Variants in DOCK4 observed in about 807,000 individuals in gnomAD.
DOCK4 encodes the protein dedicator of cytokinesis protein 4.
DOCK4 carries 97 observed loss-of-function variants against 268.1 expected under a neutral mutation model. The ratio of observed to expected loss-of-function variants is 0.36; its 90% CI spans 0.31 to 0.43. DOCK4 has a LOEUF of 0.43. Among genes scored for constraint, DOCK4 ranks in the 20% least tolerant of loss-of-function variants. The pLI is 1.00. For synonymous variants in DOCK4, 954 were observed against 887.2 expected (o/e 1.08, Z -1.34); for missense variants, 2,145 against 2,455.7 (o/e 0.87, Z 2.67).
At chr7:112,120,459 T>A (rs1433317056) in intron 1 of DOCK4, among the ~76,000 whole-genome samples, 1 of 152,140 alleles carries the variant, frequency 6.6e-6, no homozygotes, top group Non-Finnish European at 1.5e-5. Context: ...AGAGAAAAAA[T>A]ACTTTTTTTG....
intron 1 of DOCK4, among the ~76,000 whole-genome samples, chr7:112,008,446 G>A (rs1801029628): frequency 2.0e-5 from 3 of 152,122 alleles, no homozygotes; most frequent in Non-Finnish European, 2.9e-5. Context: ...AATGATATCA[G>A]TTTAGTACGT....
chr7:111,871,256 T>C (rs1806407355), intron 20 of DOCK4, among the ~76,000 whole-genome samples: 1 of 152,250 alleles, frequency 6.6e-6, no homozygotes, highest in Non-Finnish European at 1.5e-5. Flanking sequence ...CATATTGGAC[T>C]GGGAGACAGA....
chr7:111,758,836 T>TG (rs1797204196), intron 40 of DOCK4, 46 bp from the exon 41 acceptor site: 6 of 1,592,974 alleles, frequency 3.8e-6, no homozygotes, highest in Non-Finnish European at 5.2e-6. Context: ...GCAAACTCCA[T>TG]GGAAGTCTGG....
intron 25 of DOCK4, among the ~76,000 whole-genome samples, chr7:111,842,486 C>A (rs1452924294): frequency 6.6e-6 from 1 of 152,190 alleles, no homozygotes; most frequent in African/African-American, 2.4e-5. Flanking sequence ...CTGTTCACTG[C>A]AAAGGCTGAG....
At chr7:111,947,996 G>T (rs1795754860) in intron 8 of DOCK4, among the ~76,000 whole-genome samples, 2 of 152,096 alleles carry the variant, frequency 1.3e-5, no homozygotes, top group Non-Finnish European at 2.9e-5. Context: ...CCAAAGTGCT[G>T]GGATTACAGG....
chr7:111,939,447 G>A lies in DOCK4; in HGVS notation c.977+663C>T, dbSNP rs188288435. On this transcript the variant is annotated intron_variant, in intron 11 of 52. Coordinates refer to ENST00000428084, the MANE Select transcript of DOCK4 (RefSeq NM_001363540.2). ...GGAGAATGGCGTGAACCCGGGAGGC[G>A]GAGCTTGCAGTGAGCTGAGATCACA... Among the ~76,000 whole-genome samples, 52 of 151,054 alleles carry A rather than the reference G, an allele frequency of 3.4e-4. No homozygotes were observed. In the East Asian group the frequency reaches 5.1e-3, roughly 15 times the overall value.
chr7:111,872,378 A>G (rs1806500881), intron 18 of DOCK4, 26 bp from the exon 19 acceptor site: 2 of 1,527,766 alleles, frequency 1.3e-6, no homozygotes, highest in Non-Finnish European at 1.8e-6. Flanking sequence ...GTAGCAAATG[A>G]GTAAATAAGA....
chr7:112,059,230 C>T (rs909436070), intron 1 of DOCK4, among the ~76,000 whole-genome samples: 1 of 147,382 alleles, frequency 6.8e-6, no homozygotes, highest in Non-Finnish European at 1.5e-5. Flanking sequence ...ACAACTTCCA[C>T]CTCCCAAGTT....
chr7:111,996,286 A>AT (rs1330756083), intron 4 of DOCK4, among the ~76,000 whole-genome samples: 2 of 152,190 alleles, frequency 1.3e-5, no homozygotes, highest in Non-Finnish European at 2.9e-5. Flanking sequence ...CAAAATTTAA[A>AT]TTTTTAAGCA....
intron 26 of DOCK4, among the ~76,000 whole-genome samples, chr7:111,827,092 T>G (rs1367608094): frequency 6.6e-6 from 1 of 152,110 alleles, no homozygotes; most frequent in African/African-American, 2.4e-5. Context: ...ACCCTCAGAC[T>G]ATACTCAAAT....
rs896047467 is a variant in DOCK4 at position 111,949,987 on chromosome 7, C to T, written c.702-4189G>A. ...TATCACCCAGGCTGGAGTACAGCAG[C>T]GCGATCTCAGCTCACTGCAACCTCC... On this transcript the variant is annotated intron_variant, in intron 8 of 52. Transcript: ENST00000428084. Among the ~76,000 whole-genome samples, 6 of 152,184 alleles carry T rather than the reference C, an allele frequency of 3.9e-5. No individual in the cohort carries two copies. The South Asian group carries it at 6.2e-4, about 16-fold the overall frequency.
intron 12 of DOCK4, among the ~76,000 whole-genome samples, chr7:111,917,974 T>G (rs1299255198): frequency 2.0e-5 from 3 of 152,110 alleles, no homozygotes; most frequent in African/African-American, 7.2e-5. Flanking sequence ...TTTTACTCTC[T>G]TTCAATAATA....
chr7:111,867,418 C>T (rs1806062157), intron 22 of DOCK4, among the ~76,000 whole-genome samples: 2 of 152,052 alleles, frequency 1.3e-5, no homozygotes, highest in Non-Finnish European at 2.9e-5. Flanking sequence ...ATATTCAAGG[C>T]CATGCTATTT....
intron 42 of DOCK4, among the ~76,000 whole-genome samples, chr7:111,749,872 AT>A (rs1482429219): frequency 6.6e-6 from 1 of 152,238 alleles, no homozygotes; most frequent in Non-Finnish European, 1.5e-5. Flanking sequence ...AAGACTAGTT[AT>A]CCCCTCTAGA....
At chr7:111,733,664 A>G (rs748631567) in intron 51 of DOCK4, among the ~76,000 whole-genome samples, 1 of 152,120 alleles carries the variant, frequency 6.6e-6, no homozygotes. Context: ...ATTTGCATCA[A>G]TATTATTCCT....
chr7:112,161,254 G>A (rs1282038448), intron 1 of DOCK4, among the ~76,000 whole-genome samples: 1 of 152,190 alleles, frequency 6.6e-6, no homozygotes, highest in African/African-American at 2.4e-5. Flanking sequence ...CTGTGGACTT[G>A]TTTTAAAACT....
chr7:112,000,530 C>T lies in DOCK4; in HGVS notation c.126G>A (p.Trp42Ter). The change falls in exon 3 of 53, where the codon TGG (tryptophan) becomes TGA (stop). Residue 42 changes from tryptophan (W) to a stop codon, truncating the protein, a stop_gained. Transcript: ENST00000428084. LOFTEE classifies it high-confidence loss of function. Reference sequence around the variant, plus strand: ...GGTTTTTTAAGGCAAATCCTCTGTACCAGCCTGTGGAAAAATAATCATGGT... The same window carrying T: ...GGTTTTTTAAGGCAAATCCTCTGTATCAGCCTGTGGAAAAATAATCATGGT... Reference protein sequence around the residue: ...TVQILEKCDGWYRGFALKNPN... With the variant: ...TVQILEKCDG The T allele has an allele frequency of 1.3e-6, 2 of 1,549,114 alleles. No individual in the cohort carries two copies. The highest frequency in any genetic ancestry group is 1.8e-6 in the Non-Finnish European group (2 of 1,139,808).
intron 23 of DOCK4, among the ~76,000 whole-genome samples, chr7:111,852,209 CCTT>C (rs1417453932): frequency 6.6e-6 from 1 of 152,080 alleles, no homozygotes; most frequent in Non-Finnish European, 1.5e-5. Context: ...GGCAATTCAT[CCTT>C]CTTGGCCTTC....
At chr7:111,777,934 G>C (rs1280951099) in intron 36 of DOCK4, among the ~76,000 whole-genome samples, 1 of 152,132 alleles carries the variant, frequency 6.6e-6, no homozygotes, top group African/African-American at 2.4e-5. Context: ...AAATTACCCA[G>C]TCTCAGGTAT....
Sources: allele counts gnomAD v4.1 joint callset (sites outside exome capture counted in the v4.1 genomes callset), GRCh38; gene constraint gnomAD v4.1.1; transcripts MANE v1.5; gene names NCBI Gene and HGNC (gene_info 2026-07-23, HGNC 2026-07-21).